PTPRO: variants seen among roughly 807,000 people sequenced by gnomAD.
PTPRO encodes receptor-type tyrosine-protein phosphatase O.
In PTPRO, 62 loss-of-function variants were observed where a neutral mutation model predicts 145.2. The observed-to-expected ratio is 0.43, with a 90% confidence interval of 0.35 to 0.53. PTPRO has a LOEUF of 0.53. PTPRO is among the 20% of genes least tolerant of loss of function. PTPRO has a pLI of 0.01. For missense variants in PTPRO, 1,345 were observed against 1,482.7 expected (o/e 0.91, Z 1.53); for synonymous variants, 565 against 514.7 (o/e 1.10, Z -1.32).
intron 12 of PTPRO, among the ~76,000 whole-genome samples, chr12:15,528,941 A>C (rs1942901461): frequency 6.6e-6 from 1 of 152,232 alleles, no homozygotes; most frequent in Non-Finnish European, 1.5e-5. Flanking sequence ...AGGAAAGATA[A>C]AGTATTTCTC....
intron 1 of PTPRO, among the ~76,000 whole-genome samples, chr12:15,420,151 A>G (rs1940101989): frequency 3.3e-5 from 3 of 89,710 alleles, no homozygotes; most frequent in Admixed American, 1.1e-4. Flanking sequence ...CGACTCAGAA[A>G]AAAAAAAAAA....
At chr12:15,546,285 C>T (rs1383963594) in intron 12 of PTPRO, 3 of 1,173,060 alleles carry the variant, frequency 2.6e-6, no homozygotes, top group Non-Finnish European at 1.1e-6. Flanking sequence ...ATAAATGACA[C>T]AGAAACTATT....
rs760233183 is a variant in PTPRO at position 15,560,179 on chromosome 12, A to G, written c.2628-14A>G. ...TTTTTCATCTTTCCATCTGTTGTCT[A>G]TTAATGCACACAGGCGTAGGAGTAT... On this transcript the variant is annotated splice_polypyrimidine_tract_variant and intron_variant, in intron 16 of 26. Transcript: ENST00000281171. 5 of 1,549,196 alleles carry G rather than the reference A, an allele frequency of 3.2e-6. No homozygotes were observed. Among genetic ancestry groups the G allele is most frequent in the Non-Finnish European group, 2.7e-6 (3 of 1,121,576 alleles).
chr12:15,483,222 G>T (rs959634688), intron 1 of PTPRO, among the ~76,000 whole-genome samples: 4 of 152,142 alleles, frequency 2.6e-5, no homozygotes, highest in African/African-American at 9.6e-5. Flanking sequence ...GATTAATTCT[G>T]CCTATGGAGT....
intron 8 of PTPRO, among the ~76,000 whole-genome samples, chr12:15,516,267 A>C (rs370897240): frequency 6.7e-6 from 1 of 148,848 alleles, no homozygotes; most frequent in Non-Finnish European, 1.5e-5. Context: ...GATTACAGGC[A>C]TGAGCCACCA....
At chr12:15,549,804 C>T (rs181695598) in intron 14 of PTPRO, among the ~76,000 whole-genome samples, 2 of 152,230 alleles carry the variant, frequency 1.3e-5, no homozygotes, top group Admixed American at 6.5e-5. Flanking sequence ...TCTATGAAGC[C>T]TCTTGTAATA....
intron 1 of PTPRO, among the ~76,000 whole-genome samples, chr12:15,481,660 TATG>T (rs1422885767): frequency 6.6e-6 from 1 of 152,186 alleles, no homozygotes; most frequent in Non-Finnish European, 1.5e-5. Flanking sequence ...TATGGTCTAG[TATG>T]ATAAGAATAT....
intron 1 of PTPRO, among the ~76,000 whole-genome samples, chr12:15,391,224 A>G (rs1288037837): frequency 6.6e-6 from 1 of 152,198 alleles, no homozygotes; most frequent in Non-Finnish European, 1.5e-5. Context: ...AGTGCAAGCA[A>G]TCATAGAGTT....
At chr12:15,419,468 G>A (rs1002962032) in intron 1 of PTPRO, among the ~76,000 whole-genome samples, 4 of 151,548 alleles carry the variant, frequency 2.6e-5, no homozygotes, top group African/African-American at 4.9e-5. Flanking sequence ...CGCATAAGAA[G>A]TATAGCTAAA....
chr12:15,589,820 T>C (rs773676372), intron 25 of PTPRO, among the ~76,000 whole-genome samples: 5 of 152,164 alleles, frequency 3.3e-5, no homozygotes, highest in Non-Finnish European at 7.4e-5. Flanking sequence ...TAATTCAGAG[T>C]GCATGGGTAG....
intron 1 of PTPRO, among the ~76,000 whole-genome samples, chr12:15,345,263 T>A (rs1350736667): frequency 6.6e-6 from 1 of 152,142 alleles, no homozygotes; most frequent in Admixed American, 6.5e-5. Context: ...AATTATTTTA[T>A]AGTATCACTA....
chr12:15,423,933 C>T (rs1485462743), intron 1 of PTPRO, among the ~76,000 whole-genome samples: 1 of 152,082 alleles, frequency 6.6e-6, no homozygotes, highest in Non-Finnish European at 1.5e-5. Context: ...GTTTCTCCAG[C>T]CAAGAATTTA....
chr12:15,437,403 G>A (rs886115607), intron 1 of PTPRO, among the ~76,000 whole-genome samples: 9 of 151,476 alleles, frequency 5.9e-5, no homozygotes, highest in Non-Finnish European at 8.8e-5. Context: ...TGCTCACCAG[G>A]ACCACCAAGA....
chr12:15,521,932 G>A (rs143793850), intron 10 of PTPRO, among the ~76,000 whole-genome samples: 3 of 152,228 alleles, frequency 2.0e-5, no homozygotes, highest in African/African-American at 7.2e-5. Flanking sequence ...TAATAGACAA[G>A]CTACTTACCT....
chr12:15,331,235 A>G (rs1050510306), intron 1 of PTPRO, among the ~76,000 whole-genome samples: 2 of 152,162 alleles, frequency 1.3e-5, no homozygotes, highest in Non-Finnish European at 2.9e-5. Flanking sequence ...AACAGCATCT[A>G]ATGCAACAGA....
chr12:15,524,519 T>C (rs1390075402), intron 10 of PTPRO, among the ~76,000 whole-genome samples: 2 of 152,158 alleles, frequency 1.3e-5, no homozygotes, highest in Non-Finnish European at 2.9e-5. Context: ...ACAAGTGAAC[T>C]TTTTAGGAAT....
chr12:15,535,746 A>G (rs944491292), intron 12 of PTPRO, among the ~76,000 whole-genome samples: 7 of 152,216 alleles, frequency 4.6e-5, no homozygotes, highest in Non-Finnish European at 2.9e-5. Context: ...AAAATTTAAC[A>G]GAACAGGGAG....
At chr12:15,399,441 C>G (rs979954607) in intron 1 of PTPRO, among the ~76,000 whole-genome samples, 1 of 152,160 alleles carries the variant, frequency 6.6e-6, no homozygotes, top group Non-Finnish European at 1.5e-5. Context: ...GGCAGTCCAG[C>G]TCTGAAGCCC....
intron 6 of PTPRO, 117 bp downstream of exon 6, chr12:15,504,186 C>A: frequency 8.6e-7 from 1 of 1,163,624 alleles, no homozygotes; most frequent in East Asian, 2.6e-5. Context: ...GAGAAGTCTT[C>A]AAGATCAGGA....
Sources: gnomAD v4.1 joint callset for allele counts (sites outside exome capture counted in the v4.1 genomes callset) on GRCh38, gnomAD v4.1.1 for gene constraint, MANE v1.5 for transcripts, NCBI Gene and HGNC (gene_info 2026-07-23, HGNC 2026-07-21) for gene names.